The following PSEN1 variants were observed in gnomAD, a reference collection of about 807,000 sequenced individuals.
PSEN1 encodes the protein presenilin-1.
A neutral mutation model predicts 53.5 loss-of-function variants in PSEN1; 15 were observed. The ratio of observed to expected loss-of-function variants is 0.28; its 90% CI spans 0.19 to 0.43. PSEN1 has a LOEUF of 0.43. Ranked by LOEUF, PSEN1 falls within the 20% of genes least tolerant of loss-of-function variation. The probability of loss-of-function intolerance (pLI) is 1.00; values close to 1 mark genes in which losing one functional copy is unlikely to be tolerated. For missense variants in PSEN1, 387 were observed against 571.2 expected (o/e 0.68, Z 3.29); for synonymous variants, 208 against 209.8 (o/e 0.99, Z 0.08).
At chr14:73,160,332 A>G (rs1192608156) in intron 3 of PSEN1, among the ~76,000 whole-genome samples, 1 of 152,242 alleles carries the variant, frequency 6.6e-6, no homozygotes, top group Non-Finnish European at 1.5e-5. Context: ...GCTATACTGA[A>G]TAATGCTATG....
intron 1 of PSEN1, among the ~76,000 whole-genome samples, chr14:73,143,767 A>G (rs569005122): frequency 6.6e-6 from 1 of 152,136 alleles, no homozygotes; most frequent in South Asian, 2.1e-4. Context: ...AATCCTGGCT[A>G]GTTGGGAGAC....
chr14:73,218,461 G>A (rs1343571477), intron 11 of PSEN1, among the ~76,000 whole-genome samples: 1 of 152,108 alleles, frequency 6.6e-6, no homozygotes, highest in South Asian at 2.1e-4. Context: ...TATCTTGGCC[G>A]GGTGAAGACT....
Position 73,170,680 on chromosome 14 carries a change from C to T in PSEN1, c.88-117C>T. ...GCATACTTCCTGTACATTGTTTTTTCTTGCTTCAGGTTTTTAGAACTCATA... is the reference window on the plus strand; with the variant it reads ...GCATACTTCCTGTACATTGTTTTTTTTTGCTTCAGGTTTTTAGAACTCATA... On this transcript the variant is annotated intron_variant, in intron 3 of 11. Transcript: ENST00000324501. 6 of 1,110,876 alleles carry T rather than the reference C, an allele frequency of 5.4e-6. No homozygotes were observed. In the Admixed American group the frequency reaches 6.2e-5, roughly 12 times the overall value. 68.8% of individuals were successfully genotyped at this position (1,110,876 alleles called of 1,614,324 possible). A position where few individuals can be genotyped will look rare whatever the true frequency, so the allele number is the denominator to read the frequency against.
intron 3 of PSEN1, among the ~76,000 whole-genome samples, chr14:73,161,540 G>A (rs567021449): frequency 6.6e-6 from 1 of 152,162 alleles, no homozygotes; most frequent in Admixed American, 6.5e-5. Context: ...AAATGATATG[G>A]ATTAAATTTA....
intron 9 of PSEN1, among the ~76,000 whole-genome samples, chr14:73,208,418 C>T (rs1899541815): frequency 6.6e-6 from 1 of 151,906 alleles, no homozygotes; most frequent in East Asian, 1.9e-4. Context: ...CTGCAGCTCT[C>T]AGTGGAGAGG....
intron 1 of PSEN1, among the ~76,000 whole-genome samples, chr14:73,144,228 G>T (rs1056029786): frequency 5.3e-5 from 8 of 151,842 alleles, no homozygotes; most frequent in African/African-American, 1.9e-4. Flanking sequence ...TTTTGGTAGA[G>T]ATCGGGTTTC....
At chr14:73,210,850 A>G (rs1271089022) in intron 9 of PSEN1, among the ~76,000 whole-genome samples, 1 of 152,198 alleles carries the variant, frequency 6.6e-6, no homozygotes, top group East Asian at 1.9e-4. Context: ...ATGAAGGAAG[A>G]ATAAAAGTAC....
intron 7 of PSEN1, among the ~76,000 whole-genome samples, chr14:73,195,347 A>G (rs1276012013): frequency 6.6e-6 from 1 of 151,790 alleles, no homozygotes; most frequent in East Asian, 1.9e-4. Flanking sequence ...TAATTTTTGT[A>G]TTTTTAGTAG....
At chr14:73,194,694 A>G (rs752868093) in intron 7 of PSEN1, among the ~76,000 whole-genome samples, 1 of 150,418 alleles carries the variant, frequency 6.6e-6, no homozygotes, top group African/African-American at 2.5e-5. Context: ...TCAGCCTCCC[A>G]AGTAGCTGGG....
chr14:73,215,778 A>C (rs1294686564), intron 10 of PSEN1, among the ~76,000 whole-genome samples: 1 of 152,256 alleles, frequency 6.6e-6, no homozygotes, highest in Non-Finnish European at 1.5e-5. Context: ...AGTGGCTAGA[A>C]TGAAAAAGGC....
chr14:73,183,504 C>T (rs972039281), intron 5 of PSEN1, among the ~76,000 whole-genome samples: 2 of 151,980 alleles, frequency 1.3e-5, no homozygotes, highest in Admixed American at 6.6e-5. Flanking sequence ...TGACTCTTAA[C>T]GAGCATGCTG....
rs200547750 is a variant in PSEN1 at position 73,219,157 on chromosome 14, C to T, written c.1272C>T (p.Leu424=). Residue 424 remains leucine (L), a synonymous_variant, in exon 12 of 12, where the codon CTC becomes CTT. Transcript: ENST00000324501. ...AGGGTTTGTGCCTTACATTATTACT[C>T]CTTGCCATTTTCAAGAAAGCATTGC... ...ILIGLCLTLL[L]LAIFKKALPA... 1 of 1,614,078 alleles carries T rather than the reference C, an allele frequency of 6.2e-7. No individual in the cohort carries two copies.
chr14:73,198,674 G>A (rs1899055783), intron 8 of PSEN1, among the ~76,000 whole-genome samples: 2 of 152,224 alleles, frequency 1.3e-5, no homozygotes, highest in African/African-American at 4.8e-5. Flanking sequence ...AAGGGAAAGA[G>A]TTGATCAGAG....
rs769265539 is a variant in PSEN1 at position 73,192,725 on chromosome 14, G to A, written c.630G>A (p.Met210Ile). The A allele has an allele frequency of 6.2e-7, 1 of 1,614,014 alleles. No homozygotes were observed. The highest frequency in any genetic ancestry group is 1.1e-5 in the South Asian group (1 of 91,068). Residue 210 changes from methionine to isoleucine, a missense_variant, in exon 7 of 12, where the codon ATG becomes ATA. Around this residue, in one of 4 missense-constraint regions of PSEN1, gnomAD observed 169 missense variants for 299.7 expected, o/e 0.56. Coordinates refer to ENST00000324501, the MANE Select transcript of PSEN1 (RefSeq NM_000021.4). ...LLIWNFGVVGMISIHWKGPLR... is the reference protein window; with the variant it reads ...LLIWNFGVVGIISIHWKGPLR... ...TCTGGAATTTTGGTGTGGTGGGAAT[G>A]ATTTCCATTCACTGGAAAGGTCCAC...
chr14:73,139,774 C>T (rs1896865546), intron 1 of PSEN1, among the ~76,000 whole-genome samples: 1 of 152,164 alleles, frequency 6.6e-6, no homozygotes, highest in African/African-American at 2.4e-5. Context: ...TCCCAACCCT[C>T]ATCAAGTGTG....
At chr14:73,198,707 T>C (rs1448323529) in intron 8 of PSEN1, among the ~76,000 whole-genome samples, 1 of 152,150 alleles carries the variant, frequency 6.6e-6, no homozygotes, top group Non-Finnish European at 1.5e-5. Flanking sequence ...GAATCAATAG[T>C]TCTAGCAACT....
intron 1 of PSEN1, among the ~76,000 whole-genome samples, chr14:73,143,172 T>C (rs1362162645): frequency 6.6e-6 from 1 of 152,210 alleles, no homozygotes; most frequent in Non-Finnish European, 1.5e-5. Flanking sequence ...AAATCAAATC[T>C]AGCTTTGCCT....
At chr14:73,166,042 G>A (rs1347231023) in intron 3 of PSEN1, among the ~76,000 whole-genome samples, 2 of 144,234 alleles carry the variant, frequency 1.4e-5, no homozygotes, top group Admixed American at 7.0e-5. Flanking sequence ...ATGAGACTCT[G>A]TCTCCAAAAT....
At chr14:73,139,132 A>G (rs1896840916) in intron 1 of PSEN1, among the ~76,000 whole-genome samples, 1 of 150,138 alleles carries the variant, frequency 6.7e-6, no homozygotes, top group Non-Finnish European at 1.5e-5. Context: ...AAGTACAAAA[A>G]ATTAGCCAGA....
Sources: gnomAD v4.1 joint callset for allele counts (sites outside exome capture counted in the v4.1 genomes callset) on GRCh38, gnomAD v4.1.1 for gene constraint, gnomAD v4.1.1 regional missense constraint, MANE v1.5 for transcripts, NCBI Gene and HGNC (gene_info 2026-07-23, HGNC 2026-07-21) for gene names.